The following MACROD2 variants were observed in gnomAD, a reference collection of about 807,000 sequenced individuals.
MACROD2 encodes ADP-ribose glycohydrolase MACROD2.
A neutral mutation model predicts 70.4 loss-of-function variants in MACROD2; 36 were observed. That is an observed-to-expected ratio of 0.51 (90% CI 0.39 to 0.68). MACROD2 has a LOEUF of 0.68. Ranked by LOEUF, MACROD2 falls within the 30% of genes least tolerant of loss-of-function variation. The pLI, the probability that MACROD2 is intolerant of heterozygous loss-of-function variation, is 0.00. For synonymous variants in MACROD2, 172 were observed against 178.8 expected (o/e 0.96, Z 0.30); for missense variants, 496 against 538.4 (o/e 0.92, Z 0.78).
intron 7 of MACROD2, among the ~76,000 whole-genome samples, chr20:15,460,242 A>T (rs2046789179): frequency 6.6e-6 from 1 of 152,170 alleles, no homozygotes; most frequent in African/African-American, 2.4e-5. Flanking sequence ...TGCAGGTAAC[A>T]CATCCCTTTT....
At chr20:14,730,252 A>G (rs1257998892) in intron 5 of MACROD2, among the ~76,000 whole-genome samples, 1 of 152,160 alleles carries the variant, frequency 6.6e-6, no homozygotes, top group Admixed American at 6.5e-5. Flanking sequence ...AGAATTAATG[A>G]AAGACATAAA....
intron 3 of MACROD2, among the ~76,000 whole-genome samples, chr20:14,231,911 T>C (rs1410798204): frequency 6.6e-6 from 1 of 152,244 alleles, no homozygotes; most frequent in African/African-American, 2.4e-5. Flanking sequence ...CATTTTTTCA[T>C]GTGTCTTTTG....
At chr20:14,387,241 G>A (rs919366019) in intron 3 of MACROD2, among the ~76,000 whole-genome samples, 5 of 152,130 alleles carry the variant, frequency 3.3e-5, no homozygotes, top group African/African-American at 1.2e-4. Context: ...GTAATTTTTT[G>A]TTGAGAACTG....
At chr20:15,442,930 A>G (rs2046515064) in intron 7 of MACROD2, among the ~76,000 whole-genome samples, 1 of 152,144 alleles carries the variant, frequency 6.6e-6, no homozygotes, top group African/African-American at 2.4e-5. Context: ...TTTAAGGCAT[A>G]AGGACAGTGA....
chr20:14,846,049 C>T (rs773357535), intron 5 of MACROD2, among the ~76,000 whole-genome samples: 1 of 151,974 alleles, frequency 6.6e-6, no homozygotes, highest in Admixed American at 6.6e-5. Context: ...ATATTTATTT[C>T]ATCTAGCAAG....
chr20:15,883,000 T>A (rs1282993832), intron 9 of MACROD2, among the ~76,000 whole-genome samples: 3 of 151,658 alleles, frequency 2.0e-5, no homozygotes, highest in Non-Finnish European at 2.9e-5. Flanking sequence ...TATTTGCATG[T>A]CTTGGTTTCT....
chr20:15,611,985 A>G (rs2048976573), intron 8 of MACROD2, among the ~76,000 whole-genome samples: 1 of 150,794 alleles, frequency 6.6e-6, no homozygotes, highest in Non-Finnish European at 1.5e-5. Flanking sequence ...TCCTCCTACC[A>G]CCACCCGGCA....
chr20:15,534,847 A>G (rs1452777754), intron 8 of MACROD2, among the ~76,000 whole-genome samples: 1 of 152,130 alleles, frequency 6.6e-6, no homozygotes, highest in African/African-American at 2.4e-5. Context: ...CCAACTCTAA[A>G]TTCTACTCTA....
chr20:15,273,173 A>C (rs2077360484), intron 6 of MACROD2, among the ~76,000 whole-genome samples: 1 of 152,142 alleles, frequency 6.6e-6, no homozygotes, highest in Non-Finnish European at 1.5e-5. Context: ...ATCCACCCTT[A>C]ATCTGATGGG....
intron 3 of MACROD2, among the ~76,000 whole-genome samples, chr20:14,148,972 T>G (rs1302895645): frequency 1.3e-5 from 2 of 152,116 alleles, no homozygotes. Context: ...TTTCTGCTGT[T>G]CCAGGTGCTT....
intron 15 of MACROD2, among the ~76,000 whole-genome samples, chr20:15,995,669 T>TTTTTTTTTTC (rs60643900): frequency 8.0e-6 from 1 of 125,748 alleles, no homozygotes; most frequent in African/African-American, 2.8e-5. Context: ...TTTTTTTTTT[T>TTTTTTTTTTC]AACTTTTTAA....
chr20:15,168,627 A>T (rs962416927), intron 5 of MACROD2, among the ~76,000 whole-genome samples: 1 of 152,160 alleles, frequency 6.6e-6, no homozygotes, highest in Non-Finnish European at 1.5e-5. Context: ...TGCTATGTCC[A>T]TTGGCAGATG....
intron 5 of MACROD2, among the ~76,000 whole-genome samples, chr20:15,174,041 A>G (rs980781445): frequency 1.3e-5 from 2 of 152,186 alleles, no homozygotes; most frequent in African/African-American, 4.8e-5. Context: ...TATCACTGAA[A>G]ACTTACTTCA....
chr20:15,373,344 A>G (rs1324096647), intron 6 of MACROD2, among the ~76,000 whole-genome samples: 2 of 152,138 alleles, frequency 1.3e-5, no homozygotes, highest in Non-Finnish European at 2.9e-5. Context: ...TTCAAAACTG[A>G]TTTAAATATT....
At chr20:14,811,178 C>T (rs1600687411) in intron 5 of MACROD2, among the ~76,000 whole-genome samples, 3 of 152,230 alleles carry the variant, frequency 2.0e-5, no homozygotes. Flanking sequence ...CATTACCTGA[C>T]TTCAAAGTAT....
At chr20:15,882,785 G>A (rs1318313825) in intron 9 of MACROD2, among the ~76,000 whole-genome samples, 1 of 152,062 alleles carries the variant, frequency 6.6e-6, no homozygotes, top group Non-Finnish European at 1.5e-5. Context: ...TGAATGAAGT[G>A]AATGAATGAA....
At chr20:15,193,460 T>A (rs1170898332) in intron 5 of MACROD2, among the ~76,000 whole-genome samples, 1 of 151,954 alleles carries the variant, frequency 6.6e-6, no homozygotes, top group Non-Finnish European at 1.5e-5. Context: ...CTGGGCAACA[T>A]AGCAAGACCC....
chr20:14,978,658 A>G (rs1196865121), intron 5 of MACROD2, among the ~76,000 whole-genome samples: 1 of 112,054 alleles, frequency 8.9e-6, no homozygotes, highest in Admixed American at 1.3e-4. Flanking sequence ...AAGAAGGAGG[A>G]GACAATGATC....
At chr20:14,819,283 AAAAC>A (rs1296213788) in intron 5 of MACROD2, among the ~76,000 whole-genome samples, 2 of 151,952 alleles carry the variant, frequency 1.3e-5, no homozygotes, top group African/African-American at 4.8e-5. Flanking sequence ...ACAAAAAACA[AAAAC>A]AAACAAAAAA....
Sources: allele counts gnomAD v4.1 joint callset (sites outside exome capture counted in the v4.1 genomes callset), GRCh38; gene constraint gnomAD v4.1.1; transcripts MANE v1.5; gene names NCBI Gene and HGNC (gene_info 2026-07-23, HGNC 2026-07-21).